Variants in STPG2 observed in about 807,000 individuals in gnomAD.
STPG2 encodes sperm tail PG-rich repeat containing 2.
In STPG2, 56 loss-of-function variants were observed where a neutral mutation model predicts 54.2. The ratio of observed to expected loss-of-function variants is 1.03; its 90% CI spans 0.83 to 1.29. STPG2 has a LOEUF of 1.29. Ranked by LOEUF, STPG2 falls within the 50% of genes most tolerant of loss-of-function variation. The pLI is 0.00. For synonymous variants in STPG2, 200 were observed against 181.8 expected, an observed-to-expected ratio of 1.10 and a Z score of -0.81; for missense variants, 596 against 544.9, an observed-to-expected ratio of 1.09 and a Z score of -0.93.
intron 3 of STPG2, among the ~76,000 whole-genome samples, chr4:98,119,000 A>G (rs1424510267): frequency 2.0e-5 from 3 of 152,202 alleles, no homozygotes. Flanking sequence ...AATAAAGGTT[A>G]AAAAATAGAG....
chr4:97,990,694 C>G lies in STPG2; in HGVS notation c.613-9376G>C, dbSNP rs140563585. 9.8e-3 allele frequency among the ~76,000 whole-genome samples: 1,486 copies of G among 152,206 alleles called. 11 individuals are homozygous for G. Among genetic ancestry groups the G allele is most frequent in the Middle Eastern group, 0.051 (15 of 292 alleles). ...CTATTCTAAGGAAAAAGACCCAGAC[C>G]TTGAAAGTATACTGCCGTGGAAACA... On this transcript the variant is annotated intron_variant, in intron 5 of 10. Transcript: ENST00000295268.
At chr4:97,986,259 C>T (rs1272649418) in intron 5 of STPG2, among the ~76,000 whole-genome samples, 1 of 152,200 alleles carries the variant, frequency 6.6e-6, no homozygotes, top group Non-Finnish European at 1.5e-5. Flanking sequence ...TAATCAGAGC[C>T]ATACATACCA....
chr4:97,905,526 G>C (rs1461410518), intron 8 of STPG2, among the ~76,000 whole-genome samples: 1 of 151,926 alleles, frequency 6.6e-6, no homozygotes, highest in East Asian at 1.9e-4. Flanking sequence ...AGACCATCGA[G>C]ACTAGGAAGA....
intron 4 of STPG2, among the ~76,000 whole-genome samples, chr4:97,498,211 A>AT (rs1365674393): frequency 6.6e-6 from 1 of 151,956 alleles, no homozygotes; most frequent in African/African-American, 2.4e-5. Context: ...CTCAGTTTTT[A>AT]TTTCGGATGC....
At chr4:98,095,395 C>T (rs6846229) in intron 5 of STPG2, among the ~76,000 whole-genome samples, 60,175 of 151,934 alleles carry the variant, frequency 0.4, 12,148 homozygotes, top group Middle Eastern at 0.46. Flanking sequence ...CAGATGTTTT[C>T]AAAGACCCAG....
intron 5 of STPG2, among the ~76,000 whole-genome samples, chr4:97,986,822 T>A (rs1392415955): frequency 2.2e-4 from 34 of 152,218 alleles, no homozygotes; most frequent in Non-Finnish European, 5.9e-5. Context: ...CATCATTGAA[T>A]GTGTTGCTGG....
chr4:97,459,580 C>T (rs914400444), intron 4 of STPG2, among the ~76,000 whole-genome samples: 1 of 151,906 alleles, frequency 6.6e-6, no homozygotes, highest in Non-Finnish European at 1.5e-5. Context: ...GCTGGGACTA[C>T]AGCTGCCCAC....
intron 10 of STPG2, among the ~76,000 whole-genome samples, chr4:97,572,941 G>A (rs4536936): frequency 2.6e-5 from 4 of 151,816 alleles, no homozygotes; most frequent in Non-Finnish European, 5.9e-5. Context: ...TTCAATAGGC[G>A]TTTAACTAGT....
chr4:98,029,261 A>C (rs1736521454), intron 5 of STPG2, among the ~76,000 whole-genome samples: 1 of 152,058 alleles, frequency 6.6e-6, no homozygotes, highest in African/African-American at 2.4e-5. Context: ...CACTCTATCA[A>C]TTATTGAGAC....
chr4:97,442,851 G>C (rs878867736), intron 4 of STPG2, among the ~76,000 whole-genome samples: 1 of 152,156 alleles, frequency 6.6e-6, no homozygotes, highest in Admixed American at 6.5e-5. Context: ...CCTTAAAAGG[G>C]TGTGTGCTTT....
chr4:97,884,369 G>T (rs986838100), intron 8 of STPG2, among the ~76,000 whole-genome samples: 3 of 152,054 alleles, frequency 2.0e-5, no homozygotes, highest in Admixed American at 6.6e-5. Flanking sequence ...AAGTTAAAAT[G>T]GTGTTGTAAA....
intron 9 of STPG2, among the ~76,000 whole-genome samples, chr4:97,752,373 A>C (rs1725603881): frequency 6.6e-6 from 1 of 151,840 alleles, no homozygotes; most frequent in South Asian, 2.1e-4. Flanking sequence ...AAAGAGGTTA[A>C]GTGACTTCTC....
intron 10 of STPG2, among the ~76,000 whole-genome samples, chr4:97,674,700 G>T (rs1298312440): frequency 6.6e-6 from 1 of 152,150 alleles, no homozygotes; most frequent in African/African-American, 2.4e-5. Context: ...CATTGCTATT[G>T]ATGACATTAT....
At chr4:97,618,243 A>C (rs1733922979) in intron 10 of STPG2, among the ~76,000 whole-genome samples, 1 of 152,118 alleles carries the variant, frequency 6.6e-6, no homozygotes, top group East Asian at 1.9e-4. Context: ...CTTTTTGGGA[A>C]GCTTCCTCTG....
At position 98,099,319 on chromosome 4, in the gene STPG2, G is replaced by A. The variant is rs147870378; in HGVS notation, c.612+6634C>T. On this transcript the variant is annotated intron_variant, in intron 5 of 10. Coordinates refer to ENST00000295268, the MANE Select transcript of STPG2 (RefSeq NM_174952.3). Reference sequence around the variant, plus strand: ...GAGATTCTGTCATTTGCAACAACATGGATGGAACTGGAGGTCATTATGTTA... The same window carrying A: ...GAGATTCTGTCATTTGCAACAACATAGATGGAACTGGAGGTCATTATGTTA... Among the ~76,000 whole-genome samples, 28 of 152,248 alleles carry A rather than the reference G, an allele frequency of 1.8e-4. No individual in the cohort carries two copies. The East Asian group carries it at 5.4e-3, about 29-fold the overall frequency.
At chr4:97,618,163 G>C (rs1390465058) in intron 10 of STPG2, among the ~76,000 whole-genome samples, 1 of 152,136 alleles carries the variant, frequency 6.6e-6, no homozygotes, top group African/African-American at 2.4e-5. Flanking sequence ...TTGCAGACAA[G>C]ATATTTTGGG....
At chr4:97,744,074 C>G (rs535491278) in intron 9 of STPG2, among the ~76,000 whole-genome samples, 1 of 151,338 alleles carries the variant, frequency 6.6e-6, no homozygotes, top group African/African-American at 2.4e-5. Context: ...CAATAGTGAG[C>G]CTTGATATGC....
chr4:98,127,703 T>C (rs866085086), intron 3 of STPG2, among the ~76,000 whole-genome samples: 2 of 152,210 alleles, frequency 1.3e-5, no homozygotes, highest in Middle Eastern at 3.2e-3. Context: ...TCTGTATTCA[T>C]GGATAACACA....
intron 8 of STPG2, among the ~76,000 whole-genome samples, chr4:97,902,656 T>A (rs1319484748): frequency 6.6e-6 from 1 of 152,056 alleles, no homozygotes; most frequent in Non-Finnish European, 1.5e-5. Flanking sequence ...CCGGTGTAGC[T>A]GAGGATGTGT....
Sources: gnomAD v4.1 joint callset for allele counts (sites outside exome capture counted in the v4.1 genomes callset) on GRCh38, gnomAD v4.1.1 for gene constraint, MANE v1.5 for transcripts, NCBI Gene and HGNC (gene_info 2026-07-23, HGNC 2026-07-21) for gene names.